Variants in TOP2B observed in about 807,000 individuals in gnomAD.
The protein encoded by TOP2B is DNA topoisomerase 2-beta.
A neutral mutation model predicts 193.5 loss-of-function variants in TOP2B; 51 were observed. The ratio of observed to expected loss-of-function variants is 0.26; its 90% confidence interval spans 0.21 to 0.33. TOP2B has a LOEUF of 0.33. Ranked by LOEUF, TOP2B falls within the 10% of genes least tolerant of loss-of-function variation. The pLI is 1.00. For synonymous variants in TOP2B, 634 were observed against 635.7 expected (o/e 1.00, Z 0.04); for missense variants, 1,378 against 1,909.3 (o/e 0.72, Z 5.19).
chr3:25,664,198 C>CA, intron 1 of TOP2B, 31 bp downstream of exon 1: 1 of 1,538,482 alleles, frequency 6.5e-7, no homozygotes, highest in Non-Finnish European at 8.7e-7. Context: ...CGGAACAATG[C>CA]AGCCGCCCGT....
intron 21 of TOP2B, among the ~76,000 whole-genome samples, chr3:25,622,197 CACA>C: frequency 1.3e-5 from 2 of 152,094 alleles, no homozygotes; most frequent in Admixed American, 6.6e-5. Flanking sequence ...ACATAGTAGG[CACA>C]TAAGAACCAT....
rs369804787 is a variant in TOP2B at position 25,662,349 on chromosome 3, A to G, written c.69+1880T>C. Among the ~76,000 whole-genome samples the G allele has an allele frequency of 3.9e-5, 6 of 152,316 alleles. No individual in the cohort carries two copies. In the East Asian group the frequency reaches 7.7e-4, roughly 20 times the overall value. The stretch of plus-strand genomic sequence containing the variant: ...ATCAAACCAGTCTATATGATCAATG[A>G]TGTATATTATGGACATAAAGATGCT... On this transcript the variant is annotated intron_variant, in intron 1 of 35. Coordinates refer to ENST00000264331, the MANE Select transcript of TOP2B (RefSeq NM_001330700.2).
intron 1 of TOP2B, among the ~76,000 whole-genome samples, chr3:25,647,007 C>A (rs1349825140): frequency 2.0e-5 from 3 of 152,114 alleles, no homozygotes; most frequent in Non-Finnish European, 4.4e-5. Context: ...TCCATTAACA[C>A]TGCTCAAAGA....
intron 34 of TOP2B, 146 bp from the exon 35 acceptor site, chr3:25,599,675 AT>A: frequency 2.8e-6 from 2 of 707,808 alleles, no homozygotes; most frequent in Non-Finnish European, 4.5e-6. Context: ...ATTATAAACA[AT>A]TTGGCAGTAG....
At chr3:25,664,047 G>T (rs1704003612) in intron 1 of TOP2B, among the ~76,000 whole-genome samples, 182 bp downstream of exon 1, 1 of 152,140 alleles carries the variant, frequency 6.6e-6, no homozygotes, top group Non-Finnish European at 1.5e-5. Context: ...GACGTACAGA[G>T]AAAGAAAGAA....
At chr3:25,620,896 T>A in intron 21 of TOP2B, 80 bp from the exon 22 acceptor site, 2 of 1,432,126 alleles carry the variant, frequency 1.4e-6, no homozygotes, top group Non-Finnish European at 1.9e-6. Flanking sequence ...ATTGACAGAT[T>A]AACACAACTG....
At chr3:25,612,419 A>G (rs1575565059) in intron 28 of TOP2B, 96 bp downstream of exon 28, 2 of 922,006 alleles carry the variant, frequency 2.2e-6, no homozygotes. Flanking sequence ...TTTTGAATAA[A>G]ACAAAGCATG....
intron 1 of TOP2B, among the ~76,000 whole-genome samples, chr3:25,649,698 TAAAC>T (rs2125401970): frequency 6.6e-6 from 1 of 150,906 alleles, no homozygotes; most frequent in East Asian, 1.9e-4. Context: ...CTTTCTTAGA[TAAAC>T]AAACACTGGG....
At chr3:25,605,827 C>G (rs1215095789) in intron 32 of TOP2B, among the ~76,000 whole-genome samples, 1 of 152,050 alleles carries the variant, frequency 6.6e-6, no homozygotes, top group Non-Finnish European at 1.5e-5. Context: ...GCCTGTCCAC[C>G]TAAATGCTTC....
chr3:25,609,992 G>A (rs1404851643), intron 28 of TOP2B, among the ~76,000 whole-genome samples: 6 of 152,052 alleles, frequency 3.9e-5, no homozygotes, highest in African/African-American at 1.4e-4. Context: ...GATTATCAGA[G>A]GGATTTCCAG....
intron 7 of TOP2B, among the ~76,000 whole-genome samples, chr3:25,634,648 G>C (rs928056121): frequency 1.3e-5 from 2 of 151,752 alleles, no homozygotes; most frequent in African/African-American, 4.8e-5. Flanking sequence ...TTTTCTTTCA[G>C]AAAACCCACC....
Position 25,613,325 on chromosome 3 carries a change from G to T in TOP2B, c.3592-616C>A, listed in dbSNP as rs569876483. Among the ~76,000 whole-genome samples, 14 of 152,240 alleles carry T rather than the reference G, an allele frequency of 9.2e-5. 1 individual carries two copies. The highest frequency in any genetic ancestry group is 3.4e-4 in the African/African-American group (14 of 41,538). ...AAGGAAAAAATGACATTTCTTTAGAGATTTTTTTAAAAGATCTTTGTAGCA... is the reference window on the plus strand; with the variant it reads ...AAGGAAAAAATGACATTTCTTTAGATATTTTTTTAAAAGATCTTTGTAGCA... On this transcript the variant is annotated intron_variant, in intron 27 of 35. Coordinates refer to ENST00000264331, the MANE Select transcript of TOP2B (RefSeq NM_001330700.2).
intron 30 of TOP2B, 73 bp downstream of exon 30, chr3:25,609,110 C>T: frequency 5.3e-6 from 7 of 1,316,096 alleles, no homozygotes; most frequent in Non-Finnish European, 7.1e-6. Context: ...ACTTAAACAA[C>T]ACTGATAATA....
intron 4 of TOP2B, among the ~76,000 whole-genome samples, chr3:25,641,986 G>C (rs1703277291): frequency 6.6e-6 from 1 of 152,038 alleles, no homozygotes; most frequent in African/African-American, 2.4e-5. Context: ...GTCATGAAAA[G>C]TAAACTTAAA....
chr3:25,630,503 T>C (rs544113405), intron 11 of TOP2B, 34 bp from the exon 12 acceptor site: 15 of 1,468,564 alleles, frequency 1.0e-5, no homozygotes, highest in Non-Finnish European at 1.4e-5. Flanking sequence ...ATAGTAAAAA[T>C]TTCTCATACT....
chr3:25,620,440 T>C (rs1444576940), intron 22 of TOP2B, among the ~76,000 whole-genome samples: 1 of 152,130 alleles, frequency 6.6e-6, no homozygotes, highest in Non-Finnish European at 1.5e-5. Context: ...CTCCTTTTAT[T>C]TTAAATAAAT....
chr3:25,628,187 A>T (rs1342483818), intron 15 of TOP2B, among the ~76,000 whole-genome samples: 2 of 150,936 alleles, frequency 1.3e-5, no homozygotes, highest in Non-Finnish European at 3.0e-5. Context: ...AAAAAAAAAA[A>T]AAAGGGAGCC....
chr3:25,630,607 A>T (rs757868739), intron 11 of TOP2B, 138 bp from the exon 12 acceptor site: 286 of 839,034 alleles, frequency 3.4e-4, no homozygotes, highest in Non-Finnish European at 4.7e-4. Context: ...CTCAGTATAA[A>T]TATTAAGTAT....
At chr3:25,609,952 G>A (rs1702327249) in intron 28 of TOP2B, among the ~76,000 whole-genome samples, 1 of 152,048 alleles carries the variant, frequency 6.6e-6, no homozygotes, top group South Asian at 2.1e-4. Flanking sequence ...CTACTTAGAA[G>A]CAACCATAAA....
Sources: allele counts gnomAD v4.1 joint callset (sites outside exome capture counted in the v4.1 genomes callset), GRCh38; gene constraint gnomAD v4.1.1; transcripts MANE v1.5; gene names NCBI Gene and HGNC (gene_info 2026-07-23, HGNC 2026-07-21).